Variants in LPP observed in about 807,000 individuals in gnomAD.
The protein encoded by LPP is LIM domain containing preferred translocation partner in lipoma, also known as lipoma-preferred partner.
A neutral mutation model predicts 60.4 loss-of-function variants in LPP; 38 were observed. The observed-to-expected ratio is 0.63, with a 90% confidence interval of 0.49 to 0.83. The LOEUF (loss-of-function observed/expected upper bound fraction) is 0.83, where lower values mean the gene tolerates loss of function less well. Among genes scored for constraint, LPP ranks in the 40% least tolerant of loss-of-function variants. The pLI is 0.00. For missense variants in LPP, 902 were observed against 783.6 expected (o/e 1.15, Z -1.80); for synonymous variants, 328 against 290.8 (o/e 1.13, Z -1.30).
intron 7 of LPP, among the ~76,000 whole-genome samples, chr3:188,641,304 T>C (rs1356909127): frequency 6.6e-6 from 1 of 152,208 alleles, no homozygotes; most frequent in Non-Finnish European, 1.5e-5. Context: ...AGGAAGAATG[T>C]CAGTTAGAAG....
rs370005365 is a variant in LPP, at chr3:188,387,484, A to G, written c.-9-18628A>G. 1.4e-4 allele frequency among the ~76,000 whole-genome samples: 21 copies of G among 152,202 alleles called. No individual in the cohort carries two copies. In the East Asian group the frequency reaches 3.3e-3, roughly 24 times the overall value. On this transcript the variant is annotated intron_variant, in intron 3 of 11. Transcript: ENST00000617246. ...TTATTTGAAAATTTTGCGATGATTA[A>G]CATTTATGCATAAATGTAGCTTACT...
chr3:188,609,138 C>CTTT lies in LPP; in HGVS notation c.430-17_430-15dup. On this transcript the variant is annotated intron_variant, in intron 6 of 11. Transcript: ENST00000617246. This position sits in a 1 kb window ranked among gnomAD's most constrained non-coding sequence, Gnocchi z 6.9. ...GCAGTAATTTTTGCTTTCTTTCTTT[C>CTTT]TTTTTTTTCCTATTCTTTTTAGAGC... 2 of 1,525,116 alleles carry CTTT rather than the reference C, an allele frequency of 1.3e-6. No individual in the cohort carries two copies. Among genetic ancestry groups the CTTT allele is most frequent in the East Asian group, 2.3e-5 (1 of 43,688 alleles). The allele number at this position is 1,525,116 out of a possible 1,614,324, so 94.5% of individuals were successfully genotyped here. A position where few individuals can be genotyped will look rare whatever the true frequency, so the allele number is the denominator to read the frequency against.
At chr3:188,655,774 T>C (rs2149033951) in intron 7 of LPP, among the ~76,000 whole-genome samples, 1 of 152,322 alleles carries the variant, frequency 6.6e-6, no homozygotes, top group South Asian at 2.1e-4. Flanking sequence ...CACAAGTTTA[T>C]TTAAATTAAA....
intron 9 of LPP, among the ~76,000 whole-genome samples, chr3:188,815,076 T>C (rs1386046974): frequency 6.6e-6 from 1 of 152,226 alleles, no homozygotes; most frequent in Non-Finnish European, 1.5e-5. Flanking sequence ...CTAGTTATGA[T>C]TATGTTTAGC....
At chr3:188,458,341 C>T (rs188745432) in intron 4 of LPP, among the ~76,000 whole-genome samples, 1 of 152,176 alleles carries the variant, frequency 6.6e-6, no homozygotes, top group African/African-American at 2.4e-5. Context: ...GAAGAGTTGT[C>T]TGCATTTTTA....
At chr3:188,170,955 G>GA (rs1167450160) in intron 1 of LPP, among the ~76,000 whole-genome samples, 1 of 152,160 alleles carries the variant, frequency 6.6e-6, no homozygotes, top group Non-Finnish European at 1.5e-5. Context: ...TATCATGGGA[G>GA]ATTTCACGTA....
chr3:188,170,953 G>A (rs1421546578), intron 1 of LPP, among the ~76,000 whole-genome samples: 1 of 152,044 alleles, frequency 6.6e-6, no homozygotes, highest in Non-Finnish European at 1.5e-5. Flanking sequence ...CATATCATGG[G>A]AGATTTCACG....
chr3:188,884,362 C>G lies in LPP; in HGVS notation c.*9883C>G, dbSNP rs1183812189. 8.7e-6 allele frequency: 2 copies of G among 230,522 alleles called. No homozygotes were observed. Among genetic ancestry groups the G allele is most frequent in the African/African-American group, 4.4e-5 (2 of 45,170 alleles). The allele number at this position is 230,522 out of a possible 1,614,324, so 14.3% of individuals were successfully genotyped here. A position where few individuals can be genotyped will look rare whatever the true frequency, so the allele number is the denominator to read the frequency against. On this transcript the variant is annotated 3_prime_UTR_variant, in exon 12 of 12. Coordinates refer to ENST00000617246, the MANE Select transcript of LPP (RefSeq NM_001375462.1). The stretch of plus-strand genomic sequence containing the variant: ...GACTTCTTACAGACTACCAAGCCCC[C>G]AGTCATCCAGGGAAATTCAGAGACC...
chr3:188,460,262 G>A (rs910585118), intron 4 of LPP, among the ~76,000 whole-genome samples: 9 of 152,118 alleles, frequency 5.9e-5, no homozygotes, highest in Non-Finnish European at 1.3e-4. Flanking sequence ...TATTGCAGAG[G>A]TCTTCTCACA....
At chr3:188,577,820 C>T (rs1428021064) in intron 6 of LPP, among the ~76,000 whole-genome samples, 3 of 74,770 alleles carry the variant, frequency 4.0e-5, no homozygotes, top group South Asian at 6.3e-4. Flanking sequence ...CTCCCCTCCC[C>T]TCCCCTTCCT....
At chr3:188,811,782 A>T (rs1251444054) in intron 9 of LPP, among the ~76,000 whole-genome samples, 1 of 152,168 alleles carries the variant, frequency 6.6e-6, no homozygotes, top group Non-Finnish European at 1.5e-5. Context: ...TCTCAGTTAC[A>T]CTGAAACGTT....
intron 7 of LPP, among the ~76,000 whole-genome samples, chr3:188,618,083 G>A (rs1483459154): frequency 2.0e-5 from 3 of 152,174 alleles, no homozygotes; most frequent in Non-Finnish European, 4.4e-5. Flanking sequence ...GTGTTAGGAA[G>A]TGTCTTAGAG....
chr3:188,779,015 G>A (rs1560192864), intron 9 of LPP, among the ~76,000 whole-genome samples: 1 of 152,006 alleles, frequency 6.6e-6, no homozygotes, highest in African/African-American at 2.4e-5. Flanking sequence ...AGTGCTGTCA[G>A]CATGGTATTT....
intron 2 of LPP, among the ~76,000 whole-genome samples, chr3:188,252,055 T>TATATATATATATATATAC (rs1729876580): frequency 2.0e-5 from 2 of 98,396 alleles, no homozygotes; most frequent in African/African-American, 4.6e-5. Context: ...TATATATATA[T>TATATATATATATATATAC]ATATATATAT....
At chr3:188,751,861 C>T (rs761727041) in intron 8 of LPP, among the ~76,000 whole-genome samples, 6 of 152,122 alleles carry the variant, frequency 3.9e-5, no homozygotes, top group Non-Finnish European at 4.4e-5. Context: ...ATCATCACCC[C>T]GGGGTCTACA....
intron 3 of LPP, among the ~76,000 whole-genome samples, chr3:188,404,294 G>T (rs1007876993): frequency 1.3e-5 from 2 of 152,172 alleles, no homozygotes; most frequent in Non-Finnish European, 2.9e-5. Flanking sequence ...GCCCAAGCTG[G>T]AGTACAGTGG....
intron 5 of LPP, among the ~76,000 whole-genome samples, chr3:188,501,832 G>A (rs371814173): frequency 7.2e-5 from 11 of 151,874 alleles, no homozygotes; most frequent in African/African-American, 2.2e-4. Flanking sequence ...CAGGAGAATC[G>A]CTTGAACCCA....
At position 188,284,028 on chromosome 3, in the gene LPP, A is replaced by C. The variant is rs994266476; in HGVS notation, c.-66-57635A>C. On this transcript the variant is annotated intron_variant, in intron 2 of 11. Coordinates refer to ENST00000617246, the MANE Select transcript of LPP (RefSeq NM_001375462.1). The stretch of plus-strand genomic sequence containing the variant: ...AAAACAAAAAGAGCTCCTCCTATGA[A>C]AGCTCTGGAAACATCCTCCACCAAA... Among the ~76,000 whole-genome samples the C allele has an allele frequency of 3.7e-4, 56 of 152,124 alleles. 1 individual carries two copies. The highest frequency in any genetic ancestry group is 1.3e-3 in the African/African-American group (55 of 41,560).
intron 6 of LPP, among the ~76,000 whole-genome samples, chr3:188,548,549 C>T (rs1345465936): frequency 6.6e-6 from 1 of 152,158 alleles, no homozygotes; most frequent in Non-Finnish European, 1.5e-5. Context: ...TTTATCCATG[C>T]ATTGGTTCAT....
Sources: allele counts gnomAD v4.1 joint callset (sites outside exome capture counted in the v4.1 genomes callset), GRCh38; gene constraint gnomAD v4.1.1; non-coding constraint Gnocchi (gnomAD v3.1); transcripts MANE v1.5; gene names NCBI Gene and HGNC (gene_info 2026-07-23, HGNC 2026-07-21).